The following ZFHX3 variants were observed in gnomAD, a reference collection of about 807,000 sequenced individuals.
The protein encoded by ZFHX3 is zinc finger homeobox 3, also known as zinc finger homeobox protein 3.
In ZFHX3, 42 loss-of-function variants were observed where a neutral mutation model predicts 279.1. The observed-to-expected ratio is 0.15, with a 90% CI of 0.12 to 0.19. The LOEUF is 0.19. ZFHX3 is among the 10% of genes least tolerant of loss of function. ZFHX3 has a pLI of 1.00. For missense variants in ZFHX3, 4,981 were observed against 4,754.0 expected, an observed-to-expected ratio of 1.05 and a Z score of -1.40; for synonymous variants, 2,293 against 1,957.8, an observed-to-expected ratio of 1.17 and a Z score of -4.52.
intron 4 of ZFHX3, among the ~76,000 whole-genome samples, chr16:72,841,987 C>T (rs1040086140): frequency 1.3e-5 from 2 of 152,148 alleles, no homozygotes; most frequent in Admixed American, 6.5e-5. Flanking sequence ...CATCAGGGAT[C>T]GGGCAGAAGG....
intron 3 of ZFHX3, among the ~76,000 whole-genome samples, chr16:72,942,185 G>A (rs940564128): frequency 6.6e-6 from 1 of 152,184 alleles, no homozygotes; most frequent in Non-Finnish European, 1.5e-5. Flanking sequence ...TCCTCAGCAA[G>A]TTGAAAGAAT....
rs559437105 is a variant in ZFHX3 at position 73,393,379 on chromosome 16, C to T, written c.-1291+62624G>A. Reference sequence around the variant, plus strand: ...CCCATGATCACTGACAGTATTTTACCGTTCCTGATACTGCAGTTCCTGGTC... The same window carrying T: ...CCCATGATCACTGACAGTATTTTACTGTTCCTGATACTGCAGTTCCTGGTC... On this transcript the variant is annotated intron_variant, in intron 3 of 17. Coordinates refer to the ZFHX3 transcript ENST00000641206. 2.9e-4 allele frequency among the ~76,000 whole-genome samples: 44 copies of T among 152,302 alleles called. No individual in the cohort carries two copies. In the South Asian group the frequency reaches 9.1e-3, roughly 32 times the overall value.
chr16:72,861,693 C>A (rs1370654191), intron 4 of ZFHX3, among the ~76,000 whole-genome samples: 1 of 152,164 alleles, frequency 6.6e-6, no homozygotes, highest in Non-Finnish European at 1.5e-5. Context: ...ACCTGAAGGT[C>A]CACATATTTT....
intron 3 of ZFHX3, among the ~76,000 whole-genome samples, chr16:73,387,608 C>A (rs947711156): frequency 2.6e-5 from 4 of 151,898 alleles, no homozygotes; most frequent in African/African-American, 4.8e-5. Flanking sequence ...CAATAATCTT[C>A]CCCCCATCTT....
intron 3 of ZFHX3, among the ~76,000 whole-genome samples, chr16:73,399,872 AGC>A (rs1268079024): frequency 6.9e-6 from 1 of 143,902 alleles, no homozygotes; most frequent in Non-Finnish European, 1.5e-5. Context: ...GTGTCTAGAT[AGC>A]AGAGGGTACA....
At position 72,797,480 on chromosome 16, in the gene ZFHX3, T is replaced by TTGCTGTTGCTGCTGC; in HGVS notation, c.5201_5202insGCAGCAGCAACAGCA (p.Gln1737_Gln1741dup). 3 of 1,613,170 alleles carry TTGCTGTTGCTGCTGC rather than the reference T, an allele frequency of 1.9e-6. No individual in the cohort carries two copies. Among genetic ancestry groups the TTGCTGTTGCTGCTGC allele is most frequent in the South Asian group, 2.2e-5 (2 of 90,992 alleles). On this transcript the variant is annotated inframe_insertion, in exon 9 of 10. Transcript: ENST00000268489. The stretch of plus-strand genomic sequence containing the variant: ...GTGCTTGTTGTTGTTGTTGTTGTTG[T>TTGCTGTTGCTGCTGC]TGTTGTTGCTGTTGCTGCTGCTGTT...
chr16:73,891,626 G>A lies in ZFHX3; in HGVS notation c.-1608+25C>T, dbSNP rs551384957. ...ACAGAAGGAAGAAAAGAGAAGAAAAGAAAAGCTGTCCACATCTACCTTACC... is the reference window on the plus strand; with the variant it reads ...ACAGAAGGAAGAAAAGAGAAGAAAAAAAAAGCTGTCCACATCTACCTTACC... On this transcript the variant is annotated intron_variant, in intron 1 of 17. Coordinates refer to the ZFHX3 transcript ENST00000641206. 5 of 152,266 alleles carry A rather than the reference G, an allele frequency of 3.3e-5. No homozygotes were observed. In the South Asian group the frequency reaches 6.2e-4, roughly 19 times the overall value. The allele number at this position is 152,266 out of a possible 1,614,324, so 9.4% of individuals were successfully genotyped here.
intron 1 of ZFHX3, among the ~76,000 whole-genome samples, chr16:73,726,305 A>T (rs2053518116): frequency 3.9e-5 from 6 of 152,200 alleles, no homozygotes; most frequent in Admixed American, 3.9e-4. Flanking sequence ...CATTTTAAGC[A>T]TGGCACCCAG....
chr16:72,853,714 A>G (rs1296855268), intron 4 of ZFHX3, among the ~76,000 whole-genome samples: 1 of 152,232 alleles, frequency 6.6e-6, no homozygotes, highest in Non-Finnish European at 1.5e-5. Flanking sequence ...AAGGATGCAA[A>G]TCAGATTCAG....
intron 3 of ZFHX3, among the ~76,000 whole-genome samples, chr16:73,396,125 G>C (rs1371288566): frequency 2.0e-5 from 3 of 152,220 alleles, no homozygotes; most frequent in Non-Finnish European, 4.4e-5. Context: ...TGGAAGATGG[G>C]GAGTTAGAAA....
At chr16:73,699,031 C>T (rs56139176) in intron 1 of ZFHX3, among the ~76,000 whole-genome samples, 81,898 of 151,972 alleles carry the variant, frequency 0.54, 26,661 homozygotes, top group Non-Finnish European at 0.71. Context: ...ATTATAGGCG[C>T]CCGCTACCAC....
chr16:73,406,624 A>T (rs2017365672), intron 3 of ZFHX3, among the ~76,000 whole-genome samples: 1 of 152,224 alleles, frequency 6.6e-6, no homozygotes, highest in African/African-American at 2.4e-5. Context: ...TCAGAGCCAG[A>T]TGGGCACACC....
At chr16:73,535,156 G>A (rs2019876996) in intron 2 of ZFHX3, among the ~76,000 whole-genome samples, 1 of 152,150 alleles carries the variant, frequency 6.6e-6, no homozygotes, top group Non-Finnish European at 1.5e-5. Flanking sequence ...GAGCTCAAAA[G>A]TTGTACAATA....
Position 72,958,496 on chromosome 16 carries a change from A to G in ZFHX3, c.1650T>C (p.Thr550=), listed in dbSNP as rs755375220. 4 of 1,614,088 alleles carry G rather than the reference A, an allele frequency of 2.5e-6. No individual in the cohort carries two copies. Among genetic ancestry groups the G allele is most frequent in the South Asian group, 1.1e-5 (1 of 91,080 alleles). The part of the protein sequence containing the change: ...LQTLSRGTAS[T]SSNSASSFVV... ...CAAAGGAAGAAGCAGAATTAGAACT[A>G]GTAGAAGCTGTGCCCCTCGACAGGG... Residue 550 remains threonine, a synonymous_variant, in exon 2 of 10, where the codon ACT becomes ACC. Coordinates refer to ENST00000268489, the MANE Select transcript of ZFHX3 (RefSeq NM_006885.4).
chr16:73,223,193 GGT>G (rs2012480042), intron 5 of ZFHX3, among the ~76,000 whole-genome samples: 1 of 151,980 alleles, frequency 6.6e-6, no homozygotes, highest in African/African-American at 2.4e-5. Context: ...CCAAAAGCAT[GGT>G]CCATGAATGA....
chr16:73,357,654 G>A (rs1597299433), intron 3 of ZFHX3, among the ~76,000 whole-genome samples: 1 of 152,162 alleles, frequency 6.6e-6, no homozygotes, highest in South Asian at 2.1e-4. Context: ...GTTCCCCTTG[G>A]ACCAGCAGAC....
chr16:73,316,252 C>T (rs1409861091), intron 4 of ZFHX3, among the ~76,000 whole-genome samples: 2 of 152,174 alleles, frequency 1.3e-5, no homozygotes, highest in African/African-American at 4.8e-5. Context: ...GAAAACCAAC[C>T]TGAATGTAGA....
At chr16:72,983,902 G>C (rs1483335456) in intron 1 of ZFHX3, among the ~76,000 whole-genome samples, 3 of 152,142 alleles carry the variant, frequency 2.0e-5, no homozygotes, top group Non-Finnish European at 4.4e-5. Context: ...TGATACTAAA[G>C]TCATATCTTG....
chr16:73,334,824 TTTTTTTTTTTTTG>T, intron 3 of ZFHX3, among the ~76,000 whole-genome samples: 1 of 140,560 alleles, frequency 7.1e-6, no homozygotes, highest in African/African-American at 2.6e-5. Context: ...TTTTTTTTTT[TTTTTTTTTTTTTG>T]CAAAATGAAT....
Sources: allele counts gnomAD v4.1 joint callset (sites outside exome capture counted in the v4.1 genomes callset), GRCh38; gene constraint gnomAD v4.1.1; transcripts MANE v1.5; gene names NCBI Gene and HGNC (gene_info 2026-07-23, HGNC 2026-07-21).